CSNK2A2IP: variants seen among roughly 807,000 people sequenced by gnomAD.
The protein encoded by CSNK2A2IP is casein kinase 2 subunit alpha' interacting protein.
the CSNK2A2IP span, among the ~76,000 whole-genome samples, chr3:88,427,563 C>T: frequency 6.6e-6 from 1 of 152,150 alleles, no homozygotes; most frequent in African/African-American, 2.4e-5. Context: ...GGGCCATGCT[C>T]AGTGCACTGA....
At chr3:88,363,474 C>A in the CSNK2A2IP span, among the ~76,000 whole-genome samples, 7 of 152,018 alleles carry the variant, frequency 4.6e-5, no homozygotes, top group Non-Finnish European at 8.8e-5. Flanking sequence ...TTACTTTCTG[C>A]TACTTCTAAT....
At chr3:88,351,462 G>C in the CSNK2A2IP span, among the ~76,000 whole-genome samples, 1 of 151,796 alleles carries the variant, frequency 6.6e-6, no homozygotes, top group South Asian at 2.1e-4. Context: ...TTCAGACAGA[G>C]GCAAAAGCCC....
chr3:88,421,740 T>C, the CSNK2A2IP span, among the ~76,000 whole-genome samples: 1 of 152,072 alleles, frequency 6.6e-6, no homozygotes, highest in Non-Finnish European at 1.5e-5. Context: ...AAATTATTTT[T>C]ATTTTACATA....
chr3:88,454,477 C>T, the CSNK2A2IP span, among the ~76,000 whole-genome samples: 2 of 151,720 alleles, frequency 1.3e-5, no homozygotes, highest in Admixed American at 1.3e-4. Flanking sequence ...GGTTTCACAT[C>T]TAAAAATCTA....
At chr3:88,434,778 A>C in the CSNK2A2IP span, among the ~76,000 whole-genome samples, 375 of 152,274 alleles carry the variant, frequency 2.5e-3, no homozygotes, top group African/African-American at 8.1e-3. Flanking sequence ...GGGCATGGAC[A>C]TTTAAAGATT....
At chr3:88,388,769 G>C in the CSNK2A2IP span, among the ~76,000 whole-genome samples, 3 of 152,004 alleles carry the variant, frequency 2.0e-5, no homozygotes, top group Non-Finnish European at 4.4e-5. Context: ...TCAATTTTTG[G>C]TTATTTGAAC....
the CSNK2A2IP span, among the ~76,000 whole-genome samples, chr3:88,407,292 CA>C: frequency 0.14 from 14,437 of 102,774 alleles, 768 homozygotes; most frequent in East Asian, 0.23. Flanking sequence ...CAGAAAAGTC[CA>C]AAAAAAAAAA....
chr3:88,433,682 G>T, the CSNK2A2IP span, among the ~76,000 whole-genome samples: 1 of 152,308 alleles, frequency 6.6e-6, no homozygotes, highest in Admixed American at 6.5e-5. Flanking sequence ...TAAAAGAGCC[G>T]TGGCTGCAGC....
the CSNK2A2IP span, among the ~76,000 whole-genome samples, chr3:88,428,407 G>T: frequency 3.9e-5 from 6 of 152,136 alleles, no homozygotes; most frequent in African/African-American, 1.4e-4. Context: ...AAAAGGGCAT[G>T]ATTGTGTTTT....
chr3:88,347,233 A>T, the CSNK2A2IP span, among the ~76,000 whole-genome samples: 1 of 152,028 alleles, frequency 6.6e-6, no homozygotes, highest in African/African-American at 2.4e-5. Flanking sequence ...AACATGGCTG[A>T]AAGGACAATG....
At chr3:88,447,135 T>TA in the CSNK2A2IP span, among the ~76,000 whole-genome samples, 1 of 152,142 alleles carries the variant, frequency 6.6e-6, no homozygotes, top group African/African-American at 2.4e-5. Context: ...AATGAGTACT[T>TA]ACACTCATTA....
At chr3:88,460,249 A>G in the CSNK2A2IP span, among the ~76,000 whole-genome samples, 3 of 152,092 alleles carry the variant, frequency 2.0e-5, no homozygotes, top group Admixed American at 6.6e-5. Context: ...TAATATTTAC[A>G]TGCTTCTAGC....
chr3:88,339,242 C>T, the CSNK2A2IP span, among the ~76,000 whole-genome samples: 1 of 150,588 alleles, frequency 6.6e-6, no homozygotes, highest in African/African-American at 2.4e-5. Context: ...TGGTAACCAT[C>T]ATTCCACTCC....
At chr3:88,417,960 G>T in the CSNK2A2IP span, among the ~76,000 whole-genome samples, 2 of 152,116 alleles carry the variant, frequency 1.3e-5, no homozygotes, top group African/African-American at 2.4e-5. Context: ...GGACCTAAAA[G>T]AAATCTGCTT....
chr3:88,456,170 A>G, the CSNK2A2IP span, among the ~76,000 whole-genome samples: 1 of 152,006 alleles, frequency 6.6e-6, no homozygotes, highest in South Asian at 2.1e-4. Context: ...AGATTGCTTT[A>G]GCTATCAGGA....
chr3:88,363,027 T>G, the CSNK2A2IP span, among the ~76,000 whole-genome samples: 1 of 152,084 alleles, frequency 6.6e-6, no homozygotes, highest in Non-Finnish European at 1.5e-5. Context: ...AGAGTCATGC[T>G]CCATTTTGAC....
At chr3:88,455,093 ATTGT>A in the CSNK2A2IP span, among the ~76,000 whole-genome samples, 20 of 139,280 alleles carry the variant, frequency 1.4e-4, no homozygotes, top group Non-Finnish European at 3.2e-4. Context: ...ATAATATTCC[ATTGT>A]TTGTACACAC....
the CSNK2A2IP span, among the ~76,000 whole-genome samples, chr3:88,423,447 C>T: frequency 1.3e-5 from 2 of 152,026 alleles, no homozygotes; most frequent in Non-Finnish European, 2.9e-5. Flanking sequence ...TAGAAGTCTC[C>T]TCTGTCTCAA....
the CSNK2A2IP span, among the ~76,000 whole-genome samples, chr3:88,425,636 G>T: frequency 7.9e-5 from 12 of 152,102 alleles, no homozygotes; most frequent in Admixed American, 2.0e-4. Context: ...CATGATGAAT[G>T]TTCTTTACTT....
Sources: gnomAD v4.1 joint callset for allele counts (sites outside exome capture counted in the v4.1 genomes callset) on GRCh38, gnomAD v4.1.1 for gene constraint, MANE v1.5 for transcripts, NCBI Gene and HGNC (gene_info 2026-07-23, HGNC 2026-07-21) for gene names.